NALF2: variants seen among roughly 807,000 people sequenced by gnomAD.
NALF2 encodes the protein NALCN channel auxiliary factor 2.
Under a neutral mutation model 24.8 loss-of-function variants are expected in NALF2, and 1 was observed. The ratio of observed to expected loss-of-function variants is 0.04; its 90% CI spans 0.01 to 0.19. The LOEUF is 0.19. NALF2 is among the 10% of genes least tolerant of loss of function. The pLI is 1.00. For missense variants in NALF2, 458 were observed against 409.6 expected (o/e 1.12, Z -1.02); for synonymous variants, 254 against 189.8 (o/e 1.34, Z -2.78).
chrX:69,515,160 T>C (rs1930644544), intron 1 of NALF2, among the ~76,000 whole-genome samples: 1 of 112,111 alleles, frequency 8.9e-6, no homozygotes, highest in Non-Finnish European at 1.9e-5. Context: ...TGCATGCTGT[T>C]TGTACCAAAT....
Position 69,505,157 on chromosome X carries a change from C to T in NALF2, c.-126C>T. On this transcript the variant is annotated 5_prime_UTR_variant, in exon 1 of 3. Coordinates refer to ENST00000252338, the MANE Select transcript of NALF2 (RefSeq NM_015686.3). Reference sequence around the variant, plus strand: ...CATCGCGCCGGCCGGCCTGCCTCACCATGCAGCCCCCGAGGTAGAGCCTGG... The same window carrying T: ...CATCGCGCCGGCCGGCCTGCCTCACTATGCAGCCCCCGAGGTAGAGCCTGG... The T allele has an allele frequency of 4.7e-6, 3 of 642,382 alleles. No homozygotes were observed. Among genetic ancestry groups the T allele is most frequent in the Non-Finnish European group, 6.5e-6 (3 of 463,739 alleles). 52.9% of individuals were successfully genotyped at this position (642,382 alleles called of 1,213,427 possible). A position where few individuals can be genotyped will look rare whatever the true frequency, so the allele number is the denominator to read the frequency against.
At chrX:69,524,925 G>C (rs1187489716) in intron 1 of NALF2, among the ~76,000 whole-genome samples, 1 of 111,892 alleles carries the variant, frequency 8.9e-6, no homozygotes, top group Admixed American at 9.4e-5. Context: ...GCCTGTTCCT[G>C]CCTCGCCACC....
chrX:69,505,524 C>A lies in NALF2; in HGVS notation c.242C>A (p.Pro81Gln). The A allele has an allele frequency of 1.0e-6, 1 of 972,012 alleles. No homozygotes were observed. The highest frequency in any genetic ancestry group is 1.3e-6 in the Non-Finnish European group (1 of 781,301). 80.1% of individuals were successfully genotyped at this position (972,012 alleles called of 1,213,427 possible). A position where few individuals can be genotyped will look rare whatever the true frequency, so the allele number is the denominator to read the frequency against. Residue 81 changes from proline (P) to glutamine (Q), a missense_variant, in exon 1 of 3, where the codon CCA (proline) becomes CAA (glutamine). Transcript: ENST00000252338. ...GAGCTGAGCAGCGCCATGCGGCCCCCATGGGGGGCCGGCCGGGAGCGGCAG... is the reference window on the plus strand; with the variant it reads ...GAGCTGAGCAGCGCCATGCGGCCCCAATGGGGGGCCGGCCGGGAGCGGCAG... ...ARELSSAMRP[P>Q]WGAGRERQPV...
intron 1 of NALF2, among the ~76,000 whole-genome samples, chrX:69,508,551 A>G (rs73634194): frequency 0.067 from 7,497 of 111,421 alleles, 646 homozygotes; most frequent in African/African-American, 0.23. Flanking sequence ...TGCCAGCTCC[A>G]TAGCTCTCTT....
At chrX:69,516,650 C>T (rs1229480700) in intron 1 of NALF2, among the ~76,000 whole-genome samples, 1 of 111,900 alleles carries the variant, frequency 8.9e-6, no homozygotes, top group East Asian at 2.8e-4. Flanking sequence ...GAAAATCTTT[C>T]TTCTGGAGAC....
intron 1 of NALF2, among the ~76,000 whole-genome samples, chrX:69,522,026 C>G (rs1930742239): frequency 8.9e-6 from 1 of 111,870 alleles, no homozygotes; most frequent in Non-Finnish European, 1.9e-5. Context: ...CATATGGCAC[C>G]AGTAGAGCTA....
chrX:69,510,414 A>G (rs910878240), intron 1 of NALF2, among the ~76,000 whole-genome samples: 2 of 112,199 alleles, frequency 1.8e-5, no homozygotes, highest in Non-Finnish European at 3.8e-5. Flanking sequence ...CACCTGCCAC[A>G]GCTTTCCTGC....
Position 69,530,127 on chromosome X carries a change from G to C in NALF2, c.*171G>C. 2.3e-6 allele frequency: 1 copy of C among 429,912 alleles called. No homozygotes were observed. 35.4% of individuals were successfully genotyped at this position (429,912 alleles called of 1,213,427 possible). On this transcript the variant is annotated 3_prime_UTR_variant, in exon 3 of 3. Coordinates refer to ENST00000252338, the MANE Select transcript of NALF2 (RefSeq NM_015686.3). Reference sequence around the variant, plus strand: ...CCCCACCCCAAAAGCAGCTCCAACAGAATGGCCAGAGGGCCTCAGGGAGCT... The same window carrying C: ...CCCCACCCCAAAAGCAGCTCCAACACAATGGCCAGAGGGCCTCAGGGAGCT...
rs960018247 is a variant in NALF2 at position 69,504,865 on chromosome X, G to T, written c.-418G>T. Among the ~76,000 whole-genome samples the T allele has an allele frequency of 1.1e-4, 12 of 107,797 alleles. No homozygotes were observed. The highest frequency in any genetic ancestry group is 1.9e-4 in the Non-Finnish European group (10 of 51,348). The allele number at this position is 107,797 out of a possible 115,157, so 93.6% of individuals were successfully genotyped here. A position where few individuals can be genotyped will look rare whatever the true frequency, so the allele number is the denominator to read the frequency against. ...GAGGGGCGCAGAGCTGCGCCGAACCGAGACGGCCGGTTTGGAGTGCGAGCC... is the reference window on the plus strand; with the variant it reads ...GAGGGGCGCAGAGCTGCGCCGAACCTAGACGGCCGGTTTGGAGTGCGAGCC... On this transcript the variant is annotated 5_prime_UTR_variant, in exon 1 of 3. Transcript: ENST00000252338.
chrX:69,513,495 A>G (rs757777824), intron 1 of NALF2, among the ~76,000 whole-genome samples: 1 of 112,100 alleles, frequency 8.9e-6, no homozygotes, highest in South Asian at 3.8e-4. Context: ...GGTGTTACCA[A>G]TGTTCCCTGT....
At chrX:69,525,948 C>T (rs1180229331) in intron 1 of NALF2, among the ~76,000 whole-genome samples, 1 of 110,815 alleles carries the variant, frequency 9.0e-6, no homozygotes, top group Non-Finnish European at 1.9e-5. Context: ...CTATTTTCAC[C>T]TGTTTTTTCA....
chrX:69,529,441 C>T (rs963967652), intron 2 of NALF2, 130 bp from the exon 3 acceptor site: 3 of 1,051,544 alleles, frequency 2.9e-6, no homozygotes, highest in African/African-American at 3.8e-5. Context: ...GGGCAAGTGT[C>T]GAGGGCTGTG....
rs72628828 is a variant in NALF2 at position 69,509,461 on chromosome X, T to G, written c.861+3318T>G. ...TGGAGATGGGGGCAAAATCCTGGCT[T>G]CTTCTCTCATAGCTGTTGATCTGAG... On this transcript the variant is annotated intron_variant, in intron 1 of 2. Transcript: ENST00000252338. Among the ~76,000 whole-genome samples the G allele has an allele frequency of 2.5e-3, 281 of 110,986 alleles. 7 individuals carry two copies. In the East Asian group the frequency reaches 0.07, roughly 28 times the overall value.
Position 69,530,119 on chromosome X carries a change from C to G in NALF2, c.*163C>G, listed in dbSNP as rs967354394. 16 of 437,849 alleles carry G rather than the reference C, an allele frequency of 3.7e-5. No individual in the cohort carries two copies. In the Admixed American group the frequency reaches 6.8e-4, roughly 19 times the overall value. 36.1% of individuals were successfully genotyped at this position (437,849 alleles called of 1,213,427 possible). On this transcript the variant is annotated 3_prime_UTR_variant, in exon 3 of 3. Transcript: ENST00000252338. The stretch of plus-strand genomic sequence containing the variant: ...CAACCTACCCCCACCCCAAAAGCAG[C>G]TCCAACAGAATGGCCAGAGGGCCTC...
chrX:69,505,578 T>C lies in NALF2; in HGVS notation c.296T>C (p.Leu99Pro), dbSNP rs1602189305. The change falls in exon 1 of 3, where the codon CTG becomes CCG. Residue 99 changes from leucine to proline, a missense_variant. Transcript: ENST00000252338. ...QPVPPRAVLPLPPPPPGEPSA... is the reference protein window; with the variant it reads ...QPVPPRAVLPPPPPPPGEPSA... Reference sequence around the variant, plus strand: ...GTGCCTCCTCGCGCGGTGCTGCCGCTGCCGCCGCCGCCGCCCGGCGAGCCC... The same window carrying C: ...GTGCCTCCTCGCGCGGTGCTGCCGCCGCCGCCGCCGCCGCCCGGCGAGCCC... The C allele has an allele frequency of 4.9e-6, 5 of 1,012,264 alleles. No homozygotes were observed. The East Asian group carries it at 2.1e-4, about 43-fold the overall frequency. 83.4% of individuals were successfully genotyped at this position (1,012,264 alleles called of 1,213,427 possible). A position where few individuals can be genotyped will look rare whatever the true frequency, so the allele number is the denominator to read the frequency against.
Position 69,505,797 on chromosome X carries a change from T to C in NALF2, c.515T>C (p.Leu172Pro), listed in dbSNP as rs1171942. The C allele has an allele frequency of 0.4, 483,870 of 1,206,221 alleles. 76,523 individuals are homozygous for C. Among genetic ancestry groups the C allele is most frequent in the East Asian group, 0.86 (28,847 of 33,534 alleles). ...CCCCCTCTGCGGCCCCCTGACTCCC[T>C]TTCCCGTGCCCCGGCCGAGTTCCCC... The part of the protein sequence containing the change: ...PAPPLRPPDS[L>P]SRAPAEFPSA... Residue 172 changes from leucine (L) to proline (P), a missense_variant, in exon 1 of 3, where the codon CTT becomes CCT. Coordinates refer to ENST00000252338, the MANE Select transcript of NALF2 (RefSeq NM_015686.3).
At chrX:69,509,427 G>C (rs1299553452) in intron 1 of NALF2, among the ~76,000 whole-genome samples, 3 of 110,573 alleles carry the variant, frequency 2.7e-5, no homozygotes, top group Admixed American at 9.7e-5. Flanking sequence ...TTCAGACTAG[G>C]GGGAGTGATG....
chrX:69,528,881 G>A (rs1163019907), intron 1 of NALF2, 112 bp from the exon 2 acceptor site: 1 of 740,305 alleles, frequency 1.4e-6, no homozygotes, highest in African/African-American at 2.2e-5. Flanking sequence ...CTGGATCTTG[G>A]GGTTAGGTTG....
At position 69,517,743 on chromosome X, in the gene NALF2, A is replaced by G. The variant is rs926037078; in HGVS notation, c.862-11250A>G. Among the ~76,000 whole-genome samples the G allele has an allele frequency of 8.1e-5, 9 of 111,745 alleles. 1 individual carries two copies. The highest frequency in any genetic ancestry group is 7.6e-4 in the Admixed American group (8 of 10,594). ...AGGATATACTTAGATGGGGGAGGAA[A>G]GAGGCAGAGAGGGAGATGGAAAGAC... On this transcript the variant is annotated intron_variant, in intron 1 of 2. Transcript: ENST00000252338.
Sources: gnomAD v4.1 joint callset for allele counts (sites outside exome capture counted in the v4.1 genomes callset) on GRCh38, gnomAD v4.1.1 for gene constraint, MANE v1.5 for transcripts, NCBI Gene and HGNC (gene_info 2026-07-23, HGNC 2026-07-21) for gene names.